SRSF9: variants seen among roughly 807,000 people sequenced by gnomAD.
The protein encoded by SRSF9 is serine and arginine rich splicing factor 9.
SRSF9 carries 3 observed loss-of-function variants against 25.9 expected under a neutral mutation model. That is an observed-to-expected ratio of 0.12 (90% CI 0.05 to 0.30). The LOEUF is 0.30. SRSF9 is among the 10% of genes least tolerant of loss of function. SRSF9 has a pLI of 1.00. For synonymous variants in SRSF9, 114 were observed against 113.2 expected (o/e 1.01, Z -0.05); for missense variants, 161 against 303.5 (o/e 0.53, Z 3.49).
intron 2 of SRSF9, 148 bp downstream of exon 2, chr12:120,465,479 C>A (rs890374570): frequency 1.2e-6 from 1 of 802,774 alleles, no homozygotes; most frequent in Non-Finnish European, 1.8e-6. Context: ...TCCTCATTGG[C>A]AATCCAGGGC....
chr12:120,467,184 TAGG>T (rs1446874508), intron 1 of SRSF9, among the ~76,000 whole-genome samples: 2 of 87,080 alleles, frequency 2.3e-5, no homozygotes, highest in Admixed American at 9.7e-5. Context: ...GCAGAACTGC[TAGG>T]AGGTCAGAAC....
intron 1 of SRSF9, among the ~76,000 whole-genome samples, chr12:120,467,879 G>A (rs1200160086): frequency 6.8e-6 from 1 of 146,020 alleles, no homozygotes; most frequent in Non-Finnish European, 1.5e-5. Flanking sequence ...TGGATCACTT[G>A]AGGTTAGGAG....
At chr12:120,462,247 G>A (rs1878366459) in intron 3 of SRSF9, 85 bp from the exon 4 acceptor site, 1 of 1,427,770 alleles carries the variant, frequency 7.0e-7, no homozygotes, top group South Asian at 1.3e-5. Flanking sequence ...AACAATAATA[G>A]TTAAGTATTG....
chr12:120,465,789 T>TA lies in SRSF9; in HGVS notation c.189-3dup, dbSNP rs201316560. ...CCATAAATAGCATCCTCTGCATCTC[T>TA]AAAAAAAACAACAACAACAAAAAAA... On this transcript the variant is annotated splice_polypyrimidine_tract_variant and splice_region_variant and intron_variant, in intron 1 of 3. Coordinates refer to ENST00000229390, the MANE Select transcript of SRSF9 (RefSeq NM_003769.3). 168 of 1,563,260 alleles carry TA rather than the reference T, an allele frequency of 1.1e-4. 2 individuals are homozygous for TA. The highest frequency in any genetic ancestry group is 5.5e-4 in the African/African-American group (39 of 71,092).
At position 120,462,035 on chromosome 12, in the gene SRSF9, G is replaced by A. The variant is rs1878356344; in HGVS notation, c.650C>T (p.Pro217Leu). The A allele has an allele frequency of 6.2e-7, 1 of 1,610,744 alleles. No homozygotes were observed. Reference protein sequence around the residue: ...QSRGSPHYFSPFRPY With the variant: ...QSRGSPHYFSLFRPY ...TCACCTGTCTCAGTAGGGCCTGAAA[G>A]GAGAGAAGTAGTGTGGGGAACCCCT... The change falls in exon 4 of 4, where the codon CCT becomes CTT. Residue 217 changes from proline (P) to leucine (L), a missense_variant. Transcript: ENST00000229390.
In SRSF9 at chr12:120,462,206, CAG is replaced by C. The variant is rs755171639; in HGVS notation, c.523-46_523-45del. On this transcript the variant is annotated intron_variant, in intron 3 of 3. Coordinates refer to ENST00000229390, the MANE Select transcript of SRSF9 (RefSeq NM_003769.3). Reference sequence around the variant, plus strand: ...CAAAAAGAGTAAAGGGGAAAAAAATCAGAGCCAGAAGAATAAGCAAACCAACA... The same window carrying C: ...CAAAAAGAGTAAAGGGGAAAAAAATCAGCCAGAAGAATAAGCAAACCAACA... 5 of 1,564,192 alleles carry C rather than the reference CAG, an allele frequency of 3.2e-6. No homozygotes were observed. The East Asian group carries it at 9.2e-5, about 29-fold the overall frequency.
Position 120,469,451 on chromosome 12 carries a change from G to A in SRSF9, c.159C>T (p.Pro53=), listed in dbSNP as rs1030618479. 1.3e-6 allele frequency: 2 copies of A among 1,589,962 alleles called. No individual in the cohort carries two copies. Among genetic ancestry groups the A allele is most frequent in the East Asian group, 2.4e-5 (1 of 41,480 alleles). The change falls in exon 1 of 4, where the codon CCC becomes CCT. Residue 53 remains proline, a synonymous_variant. Coordinates refer to ENST00000229390, the MANE Select transcript of SRSF9 (RefSeq NM_003769.3). ...GGTCCTCGAAGCGCACGAAGGCGAA[G>A]GGCACGAGGCCGTGCCGGTTCTTGA... The part of the protein sequence containing the change: ...IELKNRHGLV[P]FAFVRFEDPR...
At chr12:120,465,449 A>G (rs1157826513) in intron 2 of SRSF9, 178 bp downstream of exon 2, 1 of 586,238 alleles carries the variant, frequency 1.7e-6, no homozygotes, top group Non-Finnish European at 2.6e-6. Flanking sequence ...TCCCAGCGCA[A>G]TTTCATTTGC....
chr12:120,466,356 A>G (rs921043599), intron 1 of SRSF9, among the ~76,000 whole-genome samples: 1 of 149,678 alleles, frequency 6.7e-6, no homozygotes, highest in Non-Finnish European at 1.5e-5. Flanking sequence ...AAAAAACAGG[A>G]AAAAAAAAGT....
chr12:120,464,862 T>C (rs1359879320), intron 2 of SRSF9: 1 of 152,180 alleles, frequency 6.6e-6, no homozygotes, highest in Non-Finnish European at 1.5e-5. Flanking sequence ...GAAAAAAAGA[T>C]AATGTATGAC....
In SRSF9 at chr12:120,463,946, C is replaced by A. The variant is rs1256525949; in HGVS notation, c.522+4G>T. 6.2e-7 allele frequency: 1 copy of A among 1,602,678 alleles called. No individual in the cohort carries two copies. Among genetic ancestry groups the A allele is most frequent in the Non-Finnish European group, 8.5e-7 (1 of 1,174,362 alleles). ...AAGCTCCTCAACAGAAGGCAAGGAC[C>A]CACCTCATGAGAGCGGAATTTGGTG... On this transcript the variant is annotated splice_donor_region_variant and intron_variant, in intron 3 of 3. Transcript: ENST00000229390.
At chr12:120,462,688 G>A (rs1380311874) in intron 3 of SRSF9, 1 of 152,234 alleles carries the variant, frequency 6.6e-6, no homozygotes, top group African/African-American at 2.4e-5. Context: ...TGACCATTTT[G>A]CCCATGAAGG....
rs34136998 is a variant in SRSF9 at position 120,461,899 on chromosome 12, T to TA, written c.*119dup. 0.16 allele frequency: 124,701 copies of TA among 803,086 alleles called. 1,756 individuals carry two copies. The highest frequency in any genetic ancestry group is 0.17 in the Non-Finnish European group (100,726 of 601,300). The allele number at this position is 803,086 out of a possible 1,614,324, so 49.7% of individuals were successfully genotyped here. On this transcript the variant is annotated 3_prime_UTR_variant, in exon 4 of 4. Coordinates refer to ENST00000229390, the MANE Select transcript of SRSF9 (RefSeq NM_003769.3). The stretch of plus-strand genomic sequence containing the variant: ...AAATTATGTAGTTTTTTTTCTTCTT[T>TA]AAAAAAAAAAAATTAAAAAAATTTC...
At chr12:120,463,866 G>A (rs759271026) in intron 3 of SRSF9, 84 bp downstream of exon 3, 1 of 1,473,806 alleles carries the variant, frequency 6.8e-7, no homozygotes, top group Non-Finnish European at 9.1e-7. Context: ...TTACCAAATG[G>A]CATGGCCTCT....
rs147887689 is a variant in SRSF9 at position 120,463,891 on chromosome 12, G to A, written c.522+59C>T. Reference sequence around the variant, plus strand: ...GCATGGCCTCTTGCTACCTCTGCTAGGTCAGGTTCAAGTGGAGTGATTTGA... The same window carrying A: ...GCATGGCCTCTTGCTACCTCTGCTAAGTCAGGTTCAAGTGGAGTGATTTGA... On this transcript the variant is annotated intron_variant, in intron 3 of 3. Coordinates refer to ENST00000229390, the MANE Select transcript of SRSF9 (RefSeq NM_003769.3). 7.1e-4 allele frequency: 1,086 copies of A among 1,539,872 alleles called. 11 individuals carry two copies. In the African/African-American group the frequency reaches 0.013, roughly 19 times the overall value.
intron 1 of SRSF9, among the ~76,000 whole-genome samples, chr12:120,469,047 C>A (rs1455090684): frequency 1.3e-5 from 2 of 151,684 alleles, no homozygotes; most frequent in Non-Finnish European, 2.9e-5. Flanking sequence ...GCGGGAAGGG[C>A]GAACGGCGAC....
At chr12:120,464,254 T>A in intron 2 of SRSF9, 132 bp from the exon 3 acceptor site, 2 of 1,043,222 alleles carry the variant, frequency 1.9e-6, no homozygotes, top group Non-Finnish European at 2.7e-6. Flanking sequence ...TAAACCTTGA[T>A]AAGGGACATG....
intron 1 of SRSF9, among the ~76,000 whole-genome samples, chr12:120,468,284 A>G (rs1878534579): frequency 1.3e-5 from 2 of 152,046 alleles, no homozygotes; most frequent in South Asian, 4.1e-4. Context: ...CTAAAAAAAT[A>G]AGAAGGAAAG....
intron 2 of SRSF9, 166 bp downstream of exon 2, chr12:120,465,461 G>T: frequency 1.6e-6 from 1 of 645,088 alleles, no homozygotes; most frequent in Non-Finnish European, 2.3e-6. Context: ...TTCATTTGCA[G>T]GATACTTTCC....
Sources: allele counts gnomAD v4.1 joint callset (sites outside exome capture counted in the v4.1 genomes callset), GRCh38; gene constraint gnomAD v4.1.1; transcripts MANE v1.5; gene names NCBI Gene and HGNC (gene_info 2026-07-23, HGNC 2026-07-21).